The following PMPCB variants were observed in gnomAD, a reference collection of about 807,000 sequenced individuals.
The protein encoded by PMPCB is peptidase, mitochondrial processing subunit beta.
In PMPCB, 46 loss-of-function variants were observed where a neutral mutation model predicts 61.5. The ratio of observed to expected loss-of-function variants is 0.75; its 90% CI spans 0.59 to 0.96. PMPCB has a LOEUF of 0.96. Among genes scored for constraint, PMPCB ranks in the 40% least tolerant of loss-of-function variants. The probability of loss-of-function intolerance (pLI) is 0.00; values close to 1 mark genes in which losing one functional copy is unlikely to be tolerated. For synonymous variants in PMPCB, 191 were observed against 201.6 expected (o/e 0.95, Z 0.44); for missense variants, 590 against 602.4 (o/e 0.98, Z 0.22).
intron 12 of PMPCB, among the ~76,000 whole-genome samples, chr7:103,325,316 A>G (rs1435953160): frequency 6.6e-6 from 1 of 152,190 alleles, no homozygotes; most frequent in Non-Finnish European, 1.5e-5. Context: ...AGATGCCTGT[A>G]GTCCCAGCTA....
rs147721363 is a variant in PMPCB, at chr7:103,300,513, T to C, written c.457+206T>C. On this transcript the variant is annotated intron_variant, in intron 4 of 12. Transcript: ENST00000249269. ...TTATGGATGATGGTTTTTCTTAATA[T>C]GTAGCAATAAAATAGAGATTATTTG... 3.1e-3 allele frequency among the ~76,000 whole-genome samples: 468 copies of C among 152,320 alleles called. 2 individuals are homozygous for C. The highest frequency in any genetic ancestry group is 0.011 in the African/African-American group (443 of 41,562).
intron 12 of PMPCB, chr7:103,324,713 G>T (rs1275214548): frequency 5.5e-6 from 4 of 726,914 alleles, no homozygotes; most frequent in Non-Finnish European, 7.9e-6. Context: ...GGAGCTGGAA[G>T]GTCAGCAGTG....
chr7:103,316,932 T>C, downstream of PMPCB: 1 of 1,614,122 alleles, frequency 6.2e-7, no homozygotes, highest in South Asian at 1.1e-5. Context: ...ACCAGTTGAT[T>C]TCTCTGTGTT....
At chr7:103,344,826 C>A in the PMPCB span, 2 of 607,116 alleles carry the variant, frequency 3.3e-6, no homozygotes, top group Non-Finnish European at 2.9e-6. Context: ...CCTCCCACCC[C>A]CGCCAACGTG....
At chr7:103,317,065 C>G (rs1818105549), downstream of PMPCB, 1 of 1,477,906 alleles carries the variant, frequency 6.8e-7, no homozygotes, top group Non-Finnish European at 9.3e-7. Flanking sequence ...TATTGCTATT[C>G]TACACTCTCT....
At chr7:103,320,824 G>A in intron 12 of PMPCB, 1 of 175,224 alleles carries the variant, frequency 5.7e-6, no homozygotes, top group Non-Finnish European at 1.1e-5. Flanking sequence ...AGTTATCTCA[G>A]CATGTCTTTT....
At chr7:103,315,274 T>TG (rs1455351242), downstream of PMPCB, among the ~76,000 whole-genome samples, 3 of 152,108 alleles carry the variant, frequency 2.0e-5, no homozygotes, top group African/African-American at 7.2e-5. Context: ...AATCCCTGTA[T>TG]ACTCTGCCTA....
At chr7:103,305,072 G>A (rs1047727786) in intron 6 of PMPCB, among the ~76,000 whole-genome samples, 2 of 152,242 alleles carry the variant, frequency 1.3e-5, no homozygotes, top group Non-Finnish European at 2.9e-5. Flanking sequence ...CTGGGAGAGA[G>A]TCGGAAGATG....
chr7:103,308,451 G>A lies in PMPCB; in HGVS notation c.850-501G>A, dbSNP rs186415220. 7.1e-4 allele frequency among the ~76,000 whole-genome samples: 108 copies of A among 152,168 alleles called. 2 individuals are homozygous for A. The East Asian group carries it at 0.016, about 23-fold the overall frequency. On this transcript the variant is annotated intron_variant, in intron 7 of 12. Transcript: ENST00000249269. ...AGCCTCACCAACATGGTGAAACTCC[G>A]TCTCTACTAAAAATACAAAAATTAG...
At chr7:103,329,912 CTTATT>C (rs1353020507), downstream of PMPCB, among the ~76,000 whole-genome samples, 1 of 152,108 alleles carries the variant, frequency 6.6e-6, no homozygotes, top group Admixed American at 6.6e-5. Flanking sequence ...ATAGTTGTCT[CTTATT>C]TAATAACTTA....
At chr7:103,320,757 A>C (rs1159647215) in intron 12 of PMPCB, 2 of 100,270 alleles carry the variant, frequency 2.0e-5, no homozygotes, top group African/African-American at 1.0e-4. Context: ...ATATATATAT[A>C]TACACATATA....
chr7:103,315,249 TAG>T (rs1474128033), downstream of PMPCB, among the ~76,000 whole-genome samples: 4 of 151,338 alleles, frequency 2.6e-5, no homozygotes, highest in Admixed American at 2.0e-4. Context: ...GAAATAATTT[TAG>T]AGGAGTAGAA....
chr7:103,305,464 G>A (rs1404767897), intron 6 of PMPCB, among the ~76,000 whole-genome samples: 2 of 151,838 alleles, frequency 1.3e-5, no homozygotes, highest in Admixed American at 1.3e-4. Flanking sequence ...TAACTATGTT[G>A]CCCAGGCTGG....
chr7:103,315,881 GA>G (rs747596611), downstream of PMPCB: 7 of 1,591,858 alleles, frequency 4.4e-6, no homozygotes, highest in African/African-American at 8.1e-5. Flanking sequence ...TCTGAGAAAT[GA>G]AAAAAATTTA....
Position 103,298,635 on chromosome 7 carries a change from C to G in PMPCB, c.167C>G (p.Pro56Arg), listed in dbSNP as rs150553593. ...QAATQVVLNV[P>R]ETRVTCLESG... Reference sequence around the variant, plus strand: ...GCTACCCAAGTTGTTCTGAATGTTCCTGAAACAAGAGTAACATGTTTAGAA... The same window carrying G: ...GCTACCCAAGTTGTTCTGAATGTTCGTGAAACAAGAGTAACATGTTTAGAA... Residue 56 changes from proline to arginine, a missense_variant, in exon 2 of 13, where the codon CCT becomes CGT. By Grantham distance (103) the Pro-to-Arg change is moderately radical. Transcript: ENST00000249269. The G allele has an allele frequency of 5.0e-5, 81 of 1,613,758 alleles. No individual in the cohort carries two copies. The highest frequency in any genetic ancestry group is 6.6e-5 in the Non-Finnish European group (78 of 1,179,800).
chr7:103,317,066 T>A (rs1818105762), downstream of PMPCB: 1 of 1,475,406 alleles, frequency 6.8e-7, no homozygotes, highest in African/African-American at 1.4e-5. Flanking sequence ...ATTGCTATTC[T>A]ACACTCTCTT....
At chr7:103,316,951 C>G, downstream of PMPCB, 1 of 1,614,032 alleles carries the variant, frequency 6.2e-7, no homozygotes, top group Non-Finnish European at 8.5e-7. Context: ...TTCTTAGATG[C>G]TTGTCGCATA....
At chr7:103,307,771 A>G (rs1397151627) in intron 7 of PMPCB, 63 bp downstream of exon 7, 2 of 876,180 alleles carry the variant, frequency 2.3e-6, no homozygotes, top group Non-Finnish European at 3.8e-6. Flanking sequence ...TTTACACATA[A>G]GTAAACAAAA....
chr7:103,304,266 G>C, intron 5 of PMPCB, 145 bp from the exon 6 acceptor site: 4 of 664,754 alleles, frequency 6.0e-6, no homozygotes, highest in South Asian at 1.8e-5. Context: ...ATGTAAAAAA[G>C]GTGAAGTTCT....
Sources: allele counts gnomAD v4.1 joint callset (sites outside exome capture counted in the v4.1 genomes callset), GRCh38; gene constraint gnomAD v4.1.1; transcripts MANE v1.5; gene names NCBI Gene and HGNC (gene_info 2026-07-23, HGNC 2026-07-21).